HDAC9: variants seen among roughly 807,000 people sequenced by gnomAD.
HDAC9 encodes the protein histone deacetylase 9, also known as MEF-2 interacting transcription repressor (MITR) protein.
In HDAC9, 41 loss-of-function variants were observed where a neutral mutation model predicts 139.4. The ratio of observed to expected loss-of-function variants is 0.29; its 90% confidence interval spans 0.23 to 0.38. HDAC9 has a LOEUF of 0.38. Among genes scored for constraint, HDAC9 ranks in the 10% least tolerant of loss-of-function variants. HDAC9 has a pLI of 1.00. For missense variants in HDAC9, 1,147 were observed against 1,297.0 expected (o/e 0.88, Z 1.78); for synonymous variants, 517 against 476.2 (o/e 1.09, Z -1.12).
intron 1 of HDAC9, among the ~76,000 whole-genome samples, chr7:18,375,180 G>T (rs367622446): frequency 6.6e-6 from 1 of 152,290 alleles, no homozygotes; most frequent in African/African-American, 2.4e-5. Flanking sequence ...TAATAAATAA[G>T]ATAACTTGGC....
Position 18,505,468 on chromosome 7 carries a change from A to G in HDAC9, c.22+9144A>G, listed in dbSNP as rs1404957629. On this transcript the variant is annotated intron_variant, in intron 2 of 25. Coordinates refer to ENST00000686413, the MANE Select transcript of HDAC9 (RefSeq NM_178425.4). ...TAGCCACAATAAAGATCTAGCTAAC[A>G]TAATTCAGTTTCTACTTATTTTGAA... 3.3e-5 allele frequency among the ~76,000 whole-genome samples: 5 copies of G among 152,220 alleles called. No individual in the cohort carries two copies. In the East Asian group the frequency reaches 9.6e-4, roughly 29 times the overall value.
intron 2 of HDAC9, among the ~76,000 whole-genome samples, chr7:18,192,908 C>G (rs764552069): frequency 6.6e-6 from 1 of 152,088 alleles, no homozygotes; most frequent in Non-Finnish European, 1.5e-5. Context: ...AGCTTAAAAG[C>G]CACTGATTGA....
At chr7:18,282,542 A>G (rs144961379) in intron 2 of HDAC9, among the ~76,000 whole-genome samples, 4 of 152,276 alleles carry the variant, frequency 2.6e-5, no homozygotes, top group Non-Finnish European at 4.4e-5. Flanking sequence ...TGAAAGGGAA[A>G]TGACATATTT....
At chr7:18,499,159 G>A (rs1797720803) in intron 2 of HDAC9, among the ~76,000 whole-genome samples, 2 of 151,946 alleles carry the variant, frequency 1.3e-5, no homozygotes, top group Admixed American at 1.3e-4. Context: ...GTATGTGATT[G>A]AACAGTGAAC....
intron 1 of HDAC9, among the ~76,000 whole-genome samples, chr7:18,303,224 T>C (rs1477945428): frequency 6.6e-6 from 1 of 152,040 alleles, no homozygotes; most frequent in Non-Finnish European, 1.5e-5. Context: ...GGAATAAGAC[T>C]CTTTTTTTTT....
At chr7:18,643,039 A>G (rs1042138785) in intron 8 of HDAC9, among the ~76,000 whole-genome samples, 3 of 152,126 alleles carry the variant, frequency 2.0e-5, no homozygotes, top group African/African-American at 7.2e-5. Flanking sequence ...TGAATAACAT[A>G]TCCTTTTATT....
At chr7:18,811,031 G>A (rs1794132750) in intron 17 of HDAC9, among the ~76,000 whole-genome samples, 1 of 151,912 alleles carries the variant, frequency 6.6e-6, no homozygotes, top group African/African-American at 2.4e-5. Flanking sequence ...AACTGTATGT[G>A]TATTTTATAA....
intron 23 of HDAC9, among the ~76,000 whole-genome samples, chr7:18,945,820 C>A (rs945087270): frequency 6.6e-6 from 1 of 151,662 alleles, no homozygotes; most frequent in East Asian, 2.0e-4. Context: ...GGGCGAATCA[C>A]GAGGTCAGAA....
chr7:18,907,567 T>A (rs746756640), intron 22 of HDAC9, among the ~76,000 whole-genome samples: 5 of 152,174 alleles, frequency 3.3e-5, no homozygotes, highest in African/African-American at 4.8e-5. Context: ...TGCCAAAAGG[T>A]CAAAGGAAGG....
At chr7:18,814,729 T>G (rs1794437918) in intron 17 of HDAC9, among the ~76,000 whole-genome samples, 1 of 152,212 alleles carries the variant, frequency 6.6e-6, no homozygotes, top group South Asian at 2.1e-4. Context: ...TAGTTTTTAC[T>G]AAATTGATCA....
chr7:18,557,592 G>A (rs1032866868), intron 2 of HDAC9, among the ~76,000 whole-genome samples: 1 of 150,364 alleles, frequency 6.7e-6, no homozygotes, highest in African/African-American at 2.4e-5. Context: ...TAGAAGGGGT[G>A]AGAAAAGGGA....
intron 1 of HDAC9, among the ~76,000 whole-genome samples, chr7:18,361,212 A>G (rs1193138061): frequency 2.6e-5 from 4 of 152,134 alleles, no homozygotes; most frequent in Non-Finnish European, 4.4e-5. Flanking sequence ...CCTTTGTCTG[A>G]TCAAACCTAG....
At chr7:18,883,534 T>C (rs2129258763) in intron 22 of HDAC9, among the ~76,000 whole-genome samples, 1 of 152,234 alleles carries the variant, frequency 6.6e-6, no homozygotes, top group Non-Finnish European at 1.5e-5. Flanking sequence ...GGAAGGAATG[T>C]ACCTCAACAA....
rs73685111 is a variant in HDAC9, at chr7:18,501,940, T to A, written c.22+5616T>A. ...ACAGACAAGTAGGACATTTATCATG[T>A]GATAAAGTAGTTGGGTGGTTAGGCA... On this transcript the variant is annotated intron_variant, in intron 2 of 25. Coordinates refer to ENST00000686413, the MANE Select transcript of HDAC9 (RefSeq NM_178425.4). Among the ~76,000 whole-genome samples, 278 of 152,286 alleles carry A rather than the reference T, an allele frequency of 1.8e-3. 1 individual carries two copies. The highest frequency in any genetic ancestry group is 6.5e-3 in the African/African-American group (271 of 41,580).
intron 13 of HDAC9, among the ~76,000 whole-genome samples, chr7:18,741,830 G>C (rs1787488749): frequency 6.6e-6 from 1 of 152,148 alleles, no homozygotes; most frequent in Admixed American, 6.5e-5. Flanking sequence ...GAAAGAAGTT[G>C]ATTCCAGTTC....
intron 8 of HDAC9, among the ~76,000 whole-genome samples, chr7:18,639,245 G>A (rs1784807185): frequency 6.6e-6 from 1 of 152,044 alleles, no homozygotes; most frequent in Non-Finnish European, 1.5e-5. Context: ...TGCAGTAAAT[G>A]TTATGCTCCC....
rs552528527 is a variant in HDAC9, at chr7:18,648,476, C to T, written c.1260C>T (p.Pro420=). Residue 420 remains proline (P), a synonymous_variant, in exon 11 of 26, where the codon CCC becomes CCT. Coordinates refer to ENST00000686413, the MANE Select transcript of HDAC9 (RefSeq NM_178425.4). ...QQKLLVAGGV[P]LHPQSPLATK... is the part of the protein sequence containing the mutation. ...TATTTTTTTTTTCAGGTGGAGTTCC[C>T]TTACATCCTCAGTCTCCCTTGGCAA... The T allele has an allele frequency of 6.2e-7, 1 of 1,612,186 alleles. No individual in the cohort carries two copies. Among genetic ancestry groups the T allele is most frequent in the Admixed American group, 1.7e-5 (1 of 59,832 alleles).
intron 2 of HDAC9, among the ~76,000 whole-genome samples, chr7:18,172,408 A>T (rs1416357626): frequency 2.0e-5 from 3 of 151,972 alleles, no homozygotes; most frequent in Non-Finnish European, 4.4e-5. Context: ...CAGCTCCTGG[A>T]TTCATTGATT....
At chr7:18,394,682 A>G (rs1390678604) in intron 1 of HDAC9, among the ~76,000 whole-genome samples, 1 of 152,112 alleles carries the variant, frequency 6.6e-6, no homozygotes, top group African/African-American at 2.4e-5. Context: ...GGCTAGTACA[A>G]TAGACTACAT....
Sources: allele counts gnomAD v4.1 joint callset (sites outside exome capture counted in the v4.1 genomes callset), GRCh38; gene constraint gnomAD v4.1.1; transcripts MANE v1.5; gene names NCBI Gene and HGNC (gene_info 2026-07-23, HGNC 2026-07-21).